PAM: variants seen among roughly 807,000 people sequenced by gnomAD.
PAM encodes peptidylglycine alpha-amidating monooxygenase.
A neutral mutation model predicts 122.1 loss-of-function variants in PAM; 72 were observed. The ratio of observed to expected loss-of-function variants is 0.59; its 90% CI spans 0.49 to 0.72. The LOEUF (loss-of-function observed/expected upper bound fraction) is 0.72, where lower values mean the gene tolerates loss of function less well. Among genes scored for constraint, PAM ranks in the 30% least tolerant of loss-of-function variants. The pLI, the probability that PAM is intolerant of heterozygous loss-of-function variation, is 0.00. For synonymous variants in PAM, 389 were observed against 404.4 expected, an observed-to-expected ratio of 0.96 and a Z score of 0.46; for missense variants, 1,106 against 1,183.7, an observed-to-expected ratio of 0.93 and a Z score of 0.96.
intron 1 of PAM, among the ~76,000 whole-genome samples, chr5:102,790,840 AC>A (rs779660724): frequency 5.6e-4 from 85 of 152,202 alleles, no homozygotes; most frequent in Non-Finnish European, 9.6e-4. Context: ...ATGCAAAAAA[AC>A]ATAAGCACAA....
chr5:102,792,877 A>C (rs1762398297), intron 1 of PAM, among the ~76,000 whole-genome samples: 1 of 152,186 alleles, frequency 6.6e-6, no homozygotes, highest in Non-Finnish European at 1.5e-5. Flanking sequence ...ACACACACAC[A>C]AAAAGTGACA....
chr5:102,801,010 T>C (rs893657923), intron 1 of PAM, among the ~76,000 whole-genome samples: 1 of 152,172 alleles, frequency 6.6e-6, no homozygotes, highest in Admixed American at 6.5e-5. Context: ...ATATATTTTA[T>C]ATACTTGCTG....
At chr5:102,973,870 A>T (rs1480462921) in intron 14 of PAM, among the ~76,000 whole-genome samples, 2 of 152,216 alleles carry the variant, frequency 1.3e-5, no homozygotes, top group Non-Finnish European at 2.9e-5. Flanking sequence ...CAATTACATA[A>T]GCATTATTTT....
At chr5:102,913,464 G>C (rs560381463) in intron 4 of PAM, among the ~76,000 whole-genome samples, 3 of 151,538 alleles carry the variant, frequency 2.0e-5, no homozygotes, top group South Asian at 2.1e-4. Context: ...AGTGACTATC[G>C]TACTGTTGTT....
chr5:102,909,782 G>C (rs1800820851), intron 4 of PAM, among the ~76,000 whole-genome samples: 2 of 151,838 alleles, frequency 1.3e-5, no homozygotes, highest in Admixed American at 1.3e-4. Context: ...GCTATTTACA[G>C]TGTATAACAC....
chr5:102,822,565 T>C (rs1005000465), intron 1 of PAM, among the ~76,000 whole-genome samples: 6 of 152,088 alleles, frequency 3.9e-5, no homozygotes, highest in African/African-American at 1.2e-4. Context: ...ATTTTTTTTT[T>C]CTCCTCATCA....
chr5:102,874,571 A>T (rs1788549017), intron 3 of PAM, among the ~76,000 whole-genome samples: 1 of 152,104 alleles, frequency 6.6e-6, no homozygotes, highest in South Asian at 2.1e-4. Flanking sequence ...AATGAGAAAC[A>T]GATTTTTTAT....
At chr5:102,854,884 A>T (rs980633960) in intron 1 of PAM, among the ~76,000 whole-genome samples, 4 of 152,202 alleles carry the variant, frequency 2.6e-5, no homozygotes, top group African/African-American at 4.8e-5. Context: ...TTCATGGGGA[A>T]TTTGGGGACA....
At chr5:102,946,745 A>G (rs1231217753) in intron 7 of PAM, 92 bp from the exon 8 acceptor site, 6 of 764,742 alleles carry the variant, frequency 7.8e-6, no homozygotes, top group African/African-American at 5.3e-5. Flanking sequence ...GTGTTTTAAA[A>G]TATTTGGTTA....
At chr5:102,831,026 A>T in intron 1 of PAM, among the ~76,000 whole-genome samples, 1 of 151,712 alleles carries the variant, frequency 6.6e-6, no homozygotes, top group Non-Finnish European at 1.5e-5. Context: ...ATAAGTTTTA[A>T]TCTCTATTTC....
At chr5:102,981,037 T>C (rs1348026781) in intron 15 of PAM, among the ~76,000 whole-genome samples, 1 of 152,146 alleles carries the variant, frequency 6.6e-6, no homozygotes, top group Non-Finnish European at 1.5e-5. Flanking sequence ...TTCTTGAAAA[T>C]TTCCAGCCTA....
intron 3 of PAM, among the ~76,000 whole-genome samples, chr5:102,880,507 T>C (rs914346877): frequency 1.3e-5 from 2 of 152,062 alleles, no homozygotes; most frequent in Non-Finnish European, 2.9e-5. Flanking sequence ...AAACTAGAAA[T>C]AGACCAAGAA....
Position 102,990,276 on chromosome 5 carries a change from C to T in PAM, c.1488C>T (p.Phe496=). The T allele has an allele frequency of 6.5e-7, 1 of 1,541,016 alleles. No homozygotes were observed. ...GTWEPEHTGD[F]HMEEALDWPG... is the part of the protein sequence containing the mutation. ...ATGTGTGGATATATCTTTTAGATTT[C>T]CACATGGAAGAGGCACTGGATTGGC... Residue 496 remains phenylalanine (F), a synonymous_variant, in exon 16 of 26, where the codon TTC becomes TTT. Transcript: ENST00000438793.
intron 1 of PAM, among the ~76,000 whole-genome samples, chr5:102,801,549 T>C (rs1764694990): frequency 6.6e-6 from 1 of 152,178 alleles, no homozygotes; most frequent in Non-Finnish European, 1.5e-5. Context: ...GAATACCCTT[T>C]GTAAAACCCT....
At chr5:102,868,029 A>G (rs1786138276) in intron 3 of PAM, among the ~76,000 whole-genome samples, 1 of 152,216 alleles carries the variant, frequency 6.6e-6, no homozygotes. Context: ...TTTTAGGTAC[A>G]CGCAAGAAGC....
intron 15 of PAM, among the ~76,000 whole-genome samples, chr5:102,975,223 A>T (rs1225887009): frequency 1.3e-5 from 2 of 152,218 alleles, no homozygotes; most frequent in Non-Finnish European, 2.9e-5. Flanking sequence ...TCTCCAAAAA[A>T]GTAACGGATA....
chr5:102,836,769 T>C (rs1293210828), intron 1 of PAM, among the ~76,000 whole-genome samples: 1 of 151,954 alleles, frequency 6.6e-6, no homozygotes, highest in Non-Finnish European at 1.5e-5. Context: ...AGCTCTCTGC[T>C]CCCTTGAACT....
rs1161928034 is a variant in PAM, at chr5:102,866,093, G to A, written c.-103G>A. The A allele has an allele frequency of 3.0e-6, 2 of 675,352 alleles. No homozygotes were observed. Among genetic ancestry groups the A allele is most frequent in the Non-Finnish European group, 2.5e-6 (1 of 402,764 alleles). The allele number at this position is 675,352 out of a possible 1,614,324, so 41.8% of individuals were successfully genotyped here. ...GCCGCAGGACGCCCGCCGTGCCCGG[G>A]CCATGAAGTAGCGGCTGCTGGCGGC... On this transcript the variant is annotated 5_prime_UTR_variant, in exon 2 of 26. Coordinates refer to ENST00000438793, the MANE Select transcript of PAM (RefSeq NM_001177306.2).
chr5:102,893,566 T>C (rs559106113), intron 3 of PAM, among the ~76,000 whole-genome samples: 72 of 151,874 alleles, frequency 4.7e-4, no homozygotes, highest in Non-Finnish European at 9.6e-4. Flanking sequence ...TCATCTACTT[T>C]AACATTGTAG....
Sources: allele counts gnomAD v4.1 joint callset (sites outside exome capture counted in the v4.1 genomes callset), GRCh38; gene constraint gnomAD v4.1.1; transcripts MANE v1.5; gene names NCBI Gene and HGNC (gene_info 2026-07-23, HGNC 2026-07-21).